Variants in ZNF148 observed in about 807,000 individuals in gnomAD.
ZNF148 encodes the protein Beta-Enolase Repressor Factor-1.
Under a neutral mutation model 67.7 loss-of-function variants are expected in ZNF148, and 7 were observed. The ratio of observed to expected loss-of-function variants is 0.10; its 90% CI spans 0.06 to 0.19. ZNF148 has a LOEUF of 0.19. Among genes scored for constraint, ZNF148 ranks in the 10% least tolerant of loss-of-function variants. The probability of loss-of-function intolerance (pLI) is 1.00; values close to 1 mark genes in which losing one functional copy is unlikely to be tolerated. For synonymous variants in ZNF148, 333 were observed against 330.7 expected, an observed-to-expected ratio of 1.01 and a Z score of -0.08; for missense variants, 583 against 947.1, an observed-to-expected ratio of 0.62 and a Z score of 5.05.
chr3:125,341,937 A>C (rs1240658316), intron 1 of ZNF148, among the ~76,000 whole-genome samples: 1 of 146,904 alleles, frequency 6.8e-6, no homozygotes, highest in Non-Finnish European at 1.5e-5. Context: ...TGGTGGCTGC[A>C]GTGAGCCAAG....
At chr3:125,279,031 A>G (rs1306952805) in intron 6 of ZNF148, 93 bp downstream of exon 6, 1 of 1,287,290 alleles carries the variant, frequency 7.8e-7, no homozygotes, top group Non-Finnish European at 1.0e-6. Flanking sequence ...CAGATTAGCT[A>G]TGGTCTTAGG....
chr3:125,296,517 A>G (rs1281620288), intron 4 of ZNF148, among the ~76,000 whole-genome samples: 1 of 152,186 alleles, frequency 6.6e-6, no homozygotes, highest in African/African-American at 2.4e-5. Flanking sequence ...TCTAGAAATT[A>G]TACTTCATAT....
chr3:125,245,731 A>G (rs1936569192), intron 7 of ZNF148, among the ~76,000 whole-genome samples: 1 of 152,210 alleles, frequency 6.6e-6, no homozygotes, highest in African/African-American at 2.4e-5. Flanking sequence ...CCAAAGGTCA[A>G]GACACCATCA....
At chr3:125,293,391 G>A (rs930836330) in intron 4 of ZNF148, among the ~76,000 whole-genome samples, 1 of 152,116 alleles carries the variant, frequency 6.6e-6, no homozygotes. Flanking sequence ...CTTGTTTGCT[G>A]AGGTCACTGA....
At chr3:125,271,620 A>C (rs1045224300) in intron 7 of ZNF148, among the ~76,000 whole-genome samples, 1 of 152,182 alleles carries the variant, frequency 6.6e-6, no homozygotes, top group African/African-American at 2.4e-5. Context: ...AATCATTTTG[A>C]ACCTTATCTG....
chr3:125,245,209 C>T (rs576656295), intron 7 of ZNF148, among the ~76,000 whole-genome samples: 201 of 152,170 alleles, frequency 1.3e-3, no homozygotes, highest in Non-Finnish European at 2.4e-3. Flanking sequence ...AATTTCATCT[C>T]AAATTGTAAT....
intron 1 of ZNF148, among the ~76,000 whole-genome samples, chr3:125,343,870 C>T (rs371885371): frequency 1.3e-5 from 2 of 152,144 alleles, no homozygotes; most frequent in Non-Finnish European, 2.9e-5. Flanking sequence ...ACGAACCCAC[C>T]GACAGGAACC....
At position 125,300,509 on chromosome 3, in the gene ZNF148, T is replaced by A. The variant is rs112976525; in HGVS notation, c.334-12281A>T. Among the ~76,000 whole-genome samples the A allele has an allele frequency of 3.6e-3, 553 of 152,314 alleles. 6 individuals are homozygous for A. Among genetic ancestry groups the A allele is most frequent in the African/African-American group, 0.013 (520 of 41,566 alleles). ...GAGGTCTTATACCAATGGCCAAATA[T>A]GTTTTGAGTTTCCTGGGTCATTAAA... On this transcript the variant is annotated intron_variant, in intron 4 of 8. Coordinates refer to ENST00000360647, the MANE Select transcript of ZNF148 (RefSeq NM_021964.3).
chr3:125,326,968 G>A (rs1941056171), intron 2 of ZNF148, among the ~76,000 whole-genome samples: 1 of 151,140 alleles, frequency 6.6e-6, no homozygotes, highest in Non-Finnish European at 1.5e-5. Flanking sequence ...CAGTGGAAAG[G>A]CAGCGACTGT....
intron 7 of ZNF148, among the ~76,000 whole-genome samples, chr3:125,256,656 A>G (rs924550288): frequency 1.2e-4 from 19 of 152,206 alleles, no homozygotes; most frequent in African/African-American, 4.6e-4. Flanking sequence ...AGCCTGGGCA[A>G]CAGAGTGAGA....
At chr3:125,282,787 C>A (rs1407843487) in intron 5 of ZNF148, among the ~76,000 whole-genome samples, 1 of 152,126 alleles carries the variant, frequency 6.6e-6, no homozygotes, top group Non-Finnish European at 1.5e-5. Context: ...GCCCTAAGGT[C>A]TGCCTATTCA....
chr3:125,341,823 C>T (rs921160713), intron 1 of ZNF148, among the ~76,000 whole-genome samples: 3 of 151,792 alleles, frequency 2.0e-5, no homozygotes, highest in African/African-American at 7.3e-5. Context: ...GGCGAAACAC[C>T]ATCTCTACAA....
chr3:125,309,736 G>A (rs1940094776), intron 4 of ZNF148, among the ~76,000 whole-genome samples: 1 of 152,206 alleles, frequency 6.6e-6, no homozygotes, highest in Non-Finnish European at 1.5e-5. Context: ...CGTTTGGAAA[G>A]ATCACTGTAG....
chr3:125,297,564 G>A (rs1939351088), intron 4 of ZNF148, among the ~76,000 whole-genome samples: 1 of 151,160 alleles, frequency 6.6e-6, no homozygotes, highest in Non-Finnish European at 1.5e-5. Context: ...GTAAGAGAAA[G>A]AAACAACCTA....
At chr3:125,275,378 C>T (rs1038162369) in intron 7 of ZNF148, among the ~76,000 whole-genome samples, 8 of 152,158 alleles carry the variant, frequency 5.3e-5, no homozygotes, top group African/African-American at 1.9e-4. Flanking sequence ...CCATAATTGG[C>T]TTAGTGACAG....
At chr3:125,370,168 A>G (rs1315908806) in intron 1 of ZNF148, among the ~76,000 whole-genome samples, 1 of 152,168 alleles carries the variant, frequency 6.6e-6, no homozygotes, top group East Asian at 1.9e-4. Context: ...AGATTAAACT[A>G]GCTTCAAATT....
At chr3:125,306,201 A>G (rs1373123053) in intron 4 of ZNF148, among the ~76,000 whole-genome samples, 1 of 152,228 alleles carries the variant, frequency 6.6e-6, no homozygotes, top group Admixed American at 6.5e-5. Flanking sequence ...GTTTAGGTCA[A>G]AAATGAATAT....
rs530690496 is a variant in ZNF148, at chr3:125,357,468, C to G, written c.-234+17634G>C. On this transcript the variant is annotated intron_variant, in intron 1 of 8. Coordinates refer to ENST00000360647, the MANE Select transcript of ZNF148 (RefSeq NM_021964.3). ...GTGGGCAAAAGCCCGTCCTCCCCCC[C>G]TTCCAGGGCCTGCTCACTTCAGGGA... Among the ~76,000 whole-genome samples, 141 of 152,362 alleles carry G rather than the reference C, an allele frequency of 9.3e-4. 1 individual carries two copies. Among genetic ancestry groups the G allele is most frequent in the South Asian group, 4.1e-3 (20 of 4,830 alleles).
intron 1 of ZNF148, among the ~76,000 whole-genome samples, chr3:125,336,751 AC>A (rs1941514453): frequency 7.7e-6 from 1 of 130,706 alleles, no homozygotes; most frequent in Non-Finnish European, 1.5e-5. Context: ...ATCTCAGCTC[AC>A]CACAACCTCC....
Sources: allele counts gnomAD v4.1 joint callset (sites outside exome capture counted in the v4.1 genomes callset), GRCh38; gene constraint gnomAD v4.1.1; transcripts MANE v1.5; gene names NCBI Gene and HGNC (gene_info 2026-07-23, HGNC 2026-07-21).